The following PCTP variants were observed in gnomAD, a reference collection of about 807,000 sequenced individuals.
PCTP encodes phosphatidylcholine transfer protein, also known as START domain-containing protein 2.
In PCTP, 27 loss-of-function variants were observed where a neutral mutation model predicts 31.0. The observed-to-expected ratio is 0.87, with a 90% confidence interval of 0.64 to 1.20. The LOEUF is 1.20. PCTP is among the 50% of genes most tolerant of loss of function. PCTP has a pLI of 0.00. For missense variants in PCTP, 287 were observed against 268.2 expected, an observed-to-expected ratio of 1.07 and a Z score of -0.49; for synonymous variants, 108 against 101.2, an observed-to-expected ratio of 1.07 and a Z score of -0.40.
intron 3 of PCTP, among the ~76,000 whole-genome samples, chr17:55,806,797 T>C (rs930286216): frequency 1.3e-5 from 2 of 152,152 alleles, no homozygotes; most frequent in Non-Finnish European, 2.9e-5. Context: ...CAAGATTGTG[T>C]CTTCCATTTC....
At chr17:55,774,899 A>T in intron 5 of PCTP, 40 bp downstream of exon 5, 1 of 1,371,136 alleles carries the variant, frequency 7.3e-7, no homozygotes, top group Non-Finnish European at 1.0e-6. Flanking sequence ...GGGATGGGGG[A>T]GTGTGTTTGA....
In PCTP at chr17:55,776,236, C is replaced by G; in HGVS notation, c.*136C>G. ...AGCACCCACCACTGTTCAGCCTTCC[C>G]CTGCTGTTTCTGTCTTCAGAGGCCT... On this transcript the variant is annotated 3_prime_UTR_variant, in exon 6 of 6. Coordinates refer to ENST00000268896, the MANE Select transcript of PCTP (RefSeq NM_021213.4). 1 of 1,460,196 alleles carries G rather than the reference C, an allele frequency of 6.8e-7. No homozygotes were observed. Among genetic ancestry groups the G allele is most frequent in the Non-Finnish European group, 9.0e-7 (1 of 1,106,814 alleles). 90.5% of individuals were successfully genotyped at this position (1,460,196 alleles called of 1,614,324 possible). A position where few individuals can be genotyped will look rare whatever the true frequency, so the allele number is the denominator to read the frequency against.
intron 1 of PCTP, among the ~76,000 whole-genome samples, chr17:55,757,296 ATATT>A (rs1318141463): frequency 6.6e-6 from 1 of 151,478 alleles, no homozygotes; most frequent in Non-Finnish European, 1.5e-5. Flanking sequence ...GTGTGCATAT[ATATT>A]CTAATGCACA....
chr17:55,756,828 G>A lies in PCTP; in HGVS notation c.141+5584G>A, dbSNP rs140494648. Among the ~76,000 whole-genome samples, 128 of 152,198 alleles carry A rather than the reference G, an allele frequency of 8.4e-4. 1 individual carries two copies. In the East Asian group the frequency reaches 0.024, roughly 29 times the overall value. Reference sequence around the variant, plus strand: ...GCCACTGAGATAGAGGGAACACTGGGTTCTAGTCCCTCAGCCAGGCTGAGC... The same window carrying A: ...GCCACTGAGATAGAGGGAACACTGGATTCTAGTCCCTCAGCCAGGCTGAGC... On this transcript the variant is annotated intron_variant, in intron 1 of 5. Transcript: ENST00000268896.
At chr17:55,785,290 C>T (rs1208090647) in intron 2 of PCTP, among the ~76,000 whole-genome samples, 1 of 152,228 alleles carries the variant, frequency 6.6e-6, no homozygotes, top group Non-Finnish European at 1.5e-5. Flanking sequence ...GTAGCTGAGA[C>T]CCTCAGTTCA....
chr17:55,751,301 C>T (rs1232216493), intron 1 of PCTP, 57 bp downstream of exon 1: 2 of 1,518,082 alleles, frequency 1.3e-6, no homozygotes, highest in African/African-American at 1.4e-5. Context: ...GGTCGACCTC[C>T]CCGCAGGGAG....
downstream of PCTP, among the ~76,000 whole-genome samples, chr17:55,843,275 T>C (rs928658839): frequency 8.5e-5 from 13 of 152,190 alleles, no homozygotes; most frequent in African/African-American, 3.1e-4. Flanking sequence ...ATTTAAAATG[T>C]TTTCTGATTA....
At chr17:55,797,724 C>T (rs1912231097) in intron 3 of PCTP, among the ~76,000 whole-genome samples, 2 of 151,940 alleles carry the variant, frequency 1.3e-5, no homozygotes, top group Non-Finnish European at 2.9e-5. Flanking sequence ...TTGAGACCTG[C>T]CTCTAGTATA....
At chr17:55,762,330 A>G (rs1204869978) in intron 1 of PCTP, among the ~76,000 whole-genome samples, 1 of 152,004 alleles carries the variant, frequency 6.6e-6, no homozygotes, top group Non-Finnish European at 1.5e-5. Flanking sequence ...AGAAAGGGAA[A>G]TCTGGAGGGT....
chr17:55,830,010 G>A (rs1905542585), intron 5 of PCTP, among the ~76,000 whole-genome samples: 2 of 152,280 alleles, frequency 1.3e-5, no homozygotes, highest in South Asian at 4.1e-4. Flanking sequence ...ACACCAAATA[G>A]CGGCAGCATG....
chr17:55,787,043 G>A (rs1429699409), intron 2 of PCTP, among the ~76,000 whole-genome samples: 4 of 152,028 alleles, frequency 2.6e-5, no homozygotes, highest in Admixed American at 2.0e-4. Context: ...GTGTGTGTGT[G>A]TGTGTGTGGT....
rs774793861 is a variant in PCTP at position 55,776,091 on chromosome 17, G to T, written c.636G>T (p.Lys212Asn). Residue 212 changes from lysine (K) to asparagine (N), a missense_variant, in exon 6 of 6, where the codon AAG becomes AAT. Physicochemically the swap from Lys to Asn is moderately conservative, Grantham distance 94. Coordinates refer to ENST00000268896, the MANE Select transcript of PCTP (RefSeq NM_021213.4). ...CAAGAGCCTGTCAGAACTACCTCAA[G>T]AAAACCTAAGAAAGAGAACTGGGAA... is the stretch of plus-strand genomic sequence containing the variant. ...DMARACQNYL[K>N]KT 2 of 1,613,934 alleles carry T rather than the reference G, an allele frequency of 1.2e-6. No homozygotes were observed. The highest frequency in any genetic ancestry group is 1.7e-6 in the Non-Finnish European group (2 of 1,179,928).
chr17:55,773,471 C>G (rs1911120810), intron 3 of PCTP, among the ~76,000 whole-genome samples: 1 of 152,162 alleles, frequency 6.6e-6, no homozygotes, highest in Non-Finnish European at 1.5e-5. Context: ...GTGGTTTCCT[C>G]ACATAATTAA....
In PCTP at chr17:55,838,303, C is replaced by T. The variant is rs137897364; in HGVS notation, n.506-4424C>T. On this transcript the variant is annotated intron_variant and non_coding_transcript_variant, in intron 5 of 5. Coordinates refer to the PCTP transcript ENST00000576221. Reference sequence around the variant, plus strand: ...TAACCACTCTCAGCCGCATTCATCTCTGCTCCAGCCACAGTGAAATCTGCA... The same window carrying T: ...TAACCACTCTCAGCCGCATTCATCTTTGCTCCAGCCACAGTGAAATCTGCA... Among the ~76,000 whole-genome samples the T allele has an allele frequency of 3.6e-3, 555 of 152,352 alleles. 6 individuals are homozygous for T. The highest frequency in any genetic ancestry group is 0.013 in the African/African-American group (523 of 41,576).
chr17:55,822,766 G>C, exon 4 of PCTP: 2 of 1,230,142 alleles, frequency 1.6e-6, no homozygotes, highest in African/African-American at 1.6e-5. Context: ...TTTAGAATCA[G>C]AGCAGAACCA....
intron 1 of PCTP, among the ~76,000 whole-genome samples, chr17:55,766,238 C>G (rs4477780): frequency 0.64 from 97,111 of 151,550 alleles, 36,100 homozygotes; most frequent in East Asian, 0.87. Context: ...GTGGCATGAA[C>G]GTCGTCATCA....
At chr17:55,761,801 G>A (rs1910354827) in intron 1 of PCTP, among the ~76,000 whole-genome samples, 2 of 151,706 alleles carry the variant, frequency 1.3e-5, no homozygotes, top group African/African-American at 4.8e-5. Flanking sequence ...CAACATTTAT[G>A]TACTTCTGTA....
chr17:55,816,675 A>G (rs1338512006), intron 3 of PCTP, among the ~76,000 whole-genome samples: 1 of 152,174 alleles, frequency 6.6e-6, no homozygotes, highest in Non-Finnish European at 1.5e-5. Context: ...GTTCAATGAT[A>G]TAACACGGAC....
chr17:55,762,971 G>C (rs956703598), intron 1 of PCTP, among the ~76,000 whole-genome samples: 1 of 152,096 alleles, frequency 6.6e-6, no homozygotes, highest in Non-Finnish European at 1.5e-5. Flanking sequence ...TATTTGAATT[G>C]TAGGAAACTA....
Sources: allele counts gnomAD v4.1 joint callset (sites outside exome capture counted in the v4.1 genomes callset), GRCh38; gene constraint gnomAD v4.1.1; transcripts MANE v1.5; gene names NCBI Gene and HGNC (gene_info 2026-07-23, HGNC 2026-07-21).